The following NBAS variants were observed in gnomAD, a reference collection of about 807,000 sequenced individuals.
NBAS encodes NBAS subunit of NRZ tethering complex, also known as NAG/BC035112 fusion.
A neutral mutation model predicts 302.5 loss-of-function variants in NBAS; 219 were observed. The observed-to-expected ratio is 0.72, with a 90% confidence interval of 0.65 to 0.81. The LOEUF (loss-of-function observed/expected upper bound fraction) is 0.81. Among genes scored for constraint, NBAS ranks in the 30% least tolerant of loss-of-function variants. NBAS has a pLI of 0.00. For synonymous variants in NBAS, 1,118 were observed against 1,021.6 expected (o/e 1.09, Z -1.80); for missense variants, 2,932 against 2,841.6 (o/e 1.03, Z -0.72).
chr2:14,914,115 G>T, the NBAS span, among the ~76,000 whole-genome samples: 3 of 152,290 alleles, frequency 2.0e-5, no homozygotes. Context: ...GATCTCATGA[G>T]ACTTATTCAC....
chr2:14,851,089 C>A, the NBAS span, among the ~76,000 whole-genome samples: 1 of 126,740 alleles, frequency 7.9e-6, no homozygotes, highest in South Asian at 2.4e-4. Flanking sequence ...CAGAGCAGAA[C>A]TGAAGGAAAT....
intron 28 of NBAS, among the ~76,000 whole-genome samples, chr2:15,392,318 T>C (rs1250813126): frequency 1.3e-5 from 2 of 151,444 alleles, no homozygotes; most frequent in African/African-American, 4.8e-5. Context: ...AAAGAAACAC[T>C]ATCACAGGAA....
chr2:15,454,667 A>G (rs1431240692), intron 21 of NBAS, among the ~76,000 whole-genome samples: 4 of 152,158 alleles, frequency 2.6e-5, no homozygotes, highest in African/African-American at 9.7e-5. Flanking sequence ...TCAAACATCT[A>G]CCAGCTACTT....
the NBAS span, among the ~76,000 whole-genome samples, chr2:15,053,825 C>T: frequency 6.6e-6 from 1 of 151,962 alleles, no homozygotes; most frequent in Non-Finnish European, 1.5e-5. Flanking sequence ...ACACTTACCT[C>T]AAGACACGTT....
chr2:15,354,277 C>T (rs1415876125), intron 33 of NBAS, among the ~76,000 whole-genome samples: 1 of 152,178 alleles, frequency 6.6e-6, no homozygotes, highest in Non-Finnish European at 1.5e-5. Flanking sequence ...CATCTAAGGA[C>T]AGTGACCGAA....
chr2:14,817,412 G>T, the NBAS span, among the ~76,000 whole-genome samples: 1 of 151,934 alleles, frequency 6.6e-6, no homozygotes. Context: ...GGACAATATT[G>T]CATGTGTCTG....
At chr2:15,444,815 A>C (rs1187658245) in intron 21 of NBAS, among the ~76,000 whole-genome samples, 4 of 152,210 alleles carry the variant, frequency 2.6e-5, no homozygotes, top group Non-Finnish European at 4.4e-5. Context: ...CAAGAAAAAA[A>C]CAAACAATCC....
the NBAS span, among the ~76,000 whole-genome samples, chr2:14,897,370 G>A: frequency 0.013 from 1,918 of 152,276 alleles, 11 homozygotes; most frequent in Non-Finnish European, 0.02. Flanking sequence ...CTGCTAAAAT[G>A]TATACTGTGT....
chr2:15,037,595 A>G, the NBAS span, among the ~76,000 whole-genome samples: 1 of 152,256 alleles, frequency 6.6e-6, no homozygotes, highest in African/African-American at 2.4e-5. Context: ...ACATTAAATT[A>G]ATAATTATTT....
At chr2:15,521,741 TAC>T (rs913674042) in intron 9 of NBAS, among the ~76,000 whole-genome samples, 14 of 152,202 alleles carry the variant, frequency 9.2e-5, no homozygotes, top group African/African-American at 2.9e-4. Flanking sequence ...TACAGAAATT[TAC>T]ACATGCCTAG....
chr2:15,332,000 G>A (rs1383457681), intron 35 of NBAS, among the ~76,000 whole-genome samples: 1 of 152,184 alleles, frequency 6.6e-6, no homozygotes, highest in East Asian at 1.9e-4. Flanking sequence ...GGAAGAGGCA[G>A]GAGAGATTTG....
rs148812392 is a variant in NBAS, at chr2:15,171,779, G to A, written c.6841-4456C>T. On this transcript the variant is annotated intron_variant, in intron 51 of 51. Coordinates refer to ENST00000281513, the MANE Select transcript of NBAS (RefSeq NM_015909.4). ...AAATGAGGTCATCAGGATGGACTCCGATATAACCGGTGTCCTTACAAGAAG... is the reference window on the plus strand; with the variant it reads ...AAATGAGGTCATCAGGATGGACTCCAATATAACCGGTGTCCTTACAAGAAG... Among the ~76,000 whole-genome samples, 7 of 152,220 alleles carry A rather than the reference G, an allele frequency of 4.6e-5. No individual in the cohort carries two copies. In the East Asian group the frequency reaches 9.6e-4, roughly 21 times the overall value.
At chr2:15,394,426 C>T (rs903917850) in intron 27 of NBAS, 77 bp from the exon 28 acceptor site, 3 of 1,504,758 alleles carry the variant, frequency 2.0e-6, no homozygotes. Context: ...ATAGAGGTAG[C>T]CCTTCAGTGT....
chr2:14,933,477 C>T, the NBAS span, among the ~76,000 whole-genome samples: 1 of 152,164 alleles, frequency 6.6e-6, no homozygotes, highest in African/African-American at 2.4e-5. Flanking sequence ...TAATTATTAA[C>T]TGTAACATTA....
chr2:15,507,318 C>A (rs940966164), intron 10 of NBAS, among the ~76,000 whole-genome samples: 4 of 99,240 alleles, frequency 4.0e-5, no homozygotes, highest in Admixed American at 9.9e-5. Context: ...CTGATTACTT[C>A]TATTTTTTTC....
intron 6 of NBAS, among the ~76,000 whole-genome samples, 152 bp downstream of exon 6, chr2:15,551,340 TA>T (rs35998279): frequency 0.011 from 1,534 of 143,108 alleles, 31 homozygotes; most frequent in African/African-American, 0.036. Flanking sequence ...TTTAAGACAG[TA>T]AAAAAAAAAA....
At chr2:15,193,236 C>T (rs1470466408) in intron 48 of NBAS, among the ~76,000 whole-genome samples, 1 of 152,090 alleles carries the variant, frequency 6.6e-6, no homozygotes, top group East Asian at 1.9e-4. Flanking sequence ...GCCTTGACCC[C>T]CATATTTTAA....
At chr2:15,463,884 T>C (rs906508022) in intron 19 of NBAS, among the ~76,000 whole-genome samples, 1 of 151,782 alleles carries the variant, frequency 6.6e-6, no homozygotes, top group Non-Finnish European at 1.5e-5. Flanking sequence ...AATCATATCA[T>C]TGTGGTTATA....
At chr2:15,228,122 G>T (rs1572485343) in intron 47 of NBAS, among the ~76,000 whole-genome samples, 1 of 152,052 alleles carries the variant, frequency 6.6e-6, no homozygotes, top group East Asian at 1.9e-4. Context: ...GATATACAAG[G>T]AACTCAAACA....
Sources: allele counts gnomAD v4.1 joint callset (sites outside exome capture counted in the v4.1 genomes callset), GRCh38; gene constraint gnomAD v4.1.1; transcripts MANE v1.5; gene names NCBI Gene and HGNC (gene_info 2026-07-23, HGNC 2026-07-21).